Variants in AGL observed in about 807,000 individuals in gnomAD.
The protein encoded by AGL is amylo-alpha-1,6-glucosidase and 4-alpha-glucanotransferase.
AGL carries 128 observed loss-of-function variants against 199.3 expected under a neutral mutation model. That is an observed-to-expected ratio of 0.64 (90% confidence interval 0.56 to 0.74). The LOEUF (loss-of-function observed/expected upper bound fraction) is 0.74. AGL is among the 30% of genes least tolerant of loss of function. AGL has a pLI of 0.00. For missense variants in AGL, 1,809 were observed against 1,820.8 expected (o/e 0.99, Z 0.12); for synonymous variants, 584 against 594.7 (o/e 0.98, Z 0.26).
At position 99,870,530 on chromosome 1, in the gene AGL, A is replaced by G; in HGVS notation, c.795A>G (p.Lys265=). The change falls in exon 6 of 34, where the codon AAA becomes AAG. Residue 265 remains lysine, a synonymous_variant. Transcript: ENST00000361915. The part of the protein sequence containing the change: ...WRFSCDVAEG[K]YKEKGIPALI... ...TCTCCTGTGATGTTGCAGAAGGGAA[A>G]TACAAAGAAAAGGGAATACCTGCTT... 1 of 1,614,092 alleles carries G rather than the reference A, an allele frequency of 6.2e-7. No homozygotes were observed. Among genetic ancestry groups the G allele is most frequent in the Non-Finnish European group, 8.5e-7 (1 of 1,179,968 alleles).
chr1:99,883,325 C>A (rs1340149410), intron 17 of AGL, among the ~76,000 whole-genome samples: 4 of 152,086 alleles, frequency 2.6e-5, no homozygotes, highest in African/African-American at 7.2e-5. Context: ...ATTGACCCTG[C>A]AGTTCTATCC....
In AGL at chr1:99,881,142, A is replaced by C. The variant is rs762077890; in HGVS notation, c.1966A>C (p.Ser656Arg). The change falls in exon 15 of 34, where the codon AGT becomes CGT. Residue 656 changes from serine to arginine, a missense_variant. Physicochemically the swap from Ser to Arg is moderately radical, Grantham distance 110. Transcript: ENST00000361915. ...TTCTATGGCATGTTGTGCTAGTGGA[A>C]GTACAAGAGGCTATGATGAATTAGT... ...IVSMACCASG[S>R]TRGYDELVPH... 1.9e-6 allele frequency: 3 copies of C among 1,614,030 alleles called. No homozygotes were observed. Among genetic ancestry groups the C allele is most frequent in the Non-Finnish European group, 2.5e-6 (3 of 1,179,954 alleles).
chr1:99,867,676 C>T (rs1053061237), intron 5 of AGL, among the ~76,000 whole-genome samples: 2 of 152,008 alleles, frequency 1.3e-5, no homozygotes, highest in African/African-American at 2.4e-5. Context: ...GTGCCTCAGC[C>T]TCCCGAGTAG....
Position 99,873,933 on chromosome 1 carries a change from T to C in AGL, c.959-754T>C, listed in dbSNP as rs140910353. 3.1e-3 allele frequency among the ~76,000 whole-genome samples: 473 copies of C among 152,342 alleles called. 3 individuals are homozygous for C. Among genetic ancestry groups the C allele is most frequent in the African/African-American group, 0.011 (464 of 41,574 alleles). The stretch of plus-strand genomic sequence containing the variant: ...AGCCAGACACAAATTAATTAGTTAA[T>C]ATAAAATCAAGTTCAATGGAGGCAA... On this transcript the variant is annotated intron_variant, in intron 7 of 33. Transcript: ENST00000361915.
intron 5 of AGL, among the ~76,000 whole-genome samples, chr1:99,866,931 G>A (rs748327368): frequency 3.3e-5 from 5 of 151,810 alleles, no homozygotes; most frequent in African/African-American, 7.3e-5. Context: ...TGATTCTCCC[G>A]CCTCAGCCTC....
chr1:99,921,645 T>C lies in AGL; in HGVS notation c.4593T>C (p.Asp1531=). The C allele has an allele frequency of 6.3e-7, 1 of 1,597,246 alleles. No individual in the cohort carries two copies. Among genetic ancestry groups the C allele is most frequent in the South Asian group, 1.1e-5 (1 of 90,648 alleles). The part of the protein sequence containing the change: ...SIATILETLY[D]L ...CTACTATTCTTGAGACACTTTATGATTTATAGTTTATTACAGATATTAAGT... is the reference window on the plus strand; with the variant it reads ...CTACTATTCTTGAGACACTTTATGACTTATAGTTTATTACAGATATTAAGT... Residue 1531 remains aspartate (D), a synonymous_variant, in exon 34 of 34, where the codon GAT becomes GAC. Transcript: ENST00000361915.
In AGL at chr1:99,862,571, G is replaced by A. The variant is rs754086487; in HGVS notation, c.460+148G>A. ...ACTGGGTAATTTATAAAGAAAAGAGGTTTGACTCACAGTTCCGCAGGCTAT... is the reference window on the plus strand; with the variant it reads ...ACTGGGTAATTTATAAAGAAAAGAGATTTGACTCACAGTTCCGCAGGCTAT... On this transcript the variant is annotated intron_variant, in intron 4 of 33. Coordinates refer to ENST00000361915, the MANE Select transcript of AGL (RefSeq NM_000642.3). 126 of 936,934 alleles carry A rather than the reference G, an allele frequency of 1.3e-4. 1 individual carries two copies. Among genetic ancestry groups the A allele is most frequent in the Non-Finnish European group, 2.0e-4 (122 of 617,596 alleles). 58.0% of individuals were successfully genotyped at this position (936,934 alleles called of 1,614,324 possible).
intron 33 of AGL, among the ~76,000 whole-genome samples, chr1:99,920,626 A>G (rs1345216971): frequency 6.6e-6 from 1 of 152,208 alleles, no homozygotes; most frequent in Non-Finnish European, 1.5e-5. Context: ...CCTAGCTGAT[A>G]TTAGTTATTA....
intron 5 of AGL, among the ~76,000 whole-genome samples, chr1:99,866,276 A>T (rs1162916256): frequency 2.0e-5 from 3 of 152,216 alleles, no homozygotes; most frequent in Non-Finnish European, 4.4e-5. Flanking sequence ...AAACATAGGG[A>T]CTAAAGGCTA....
At chr1:99,868,655 A>T (rs1650735764) in intron 5 of AGL, among the ~76,000 whole-genome samples, 2 of 151,886 alleles carry the variant, frequency 1.3e-5, no homozygotes, top group African/African-American at 4.8e-5. Context: ...GTTGGCATAC[A>T]CTTGTCGTCC....
chr1:99,912,464 A>G lies in AGL; in HGVS notation c.3896A>G (p.Glu1299Gly). Residue 1299 changes from glutamate (E) to glycine (G), a missense_variant, in exon 29 of 34, where the codon GAA (glutamate) becomes GGA (glycine). Glu to Gly is a moderately conservative substitution (Grantham distance 98). Transcript: ENST00000361915. ...LSKSAVRWLL[E>G]LSKKNIFPYH... The stretch of plus-strand genomic sequence containing the variant: ...AAATCTGCTGTTCGCTGGTTGCTGG[A>G]ATTATCCAAAAAAAATATTTTCCCT... The G allele has an allele frequency of 6.2e-7, 1 of 1,614,052 alleles. No individual in the cohort carries two copies. Among genetic ancestry groups the G allele is most frequent in the Non-Finnish European group, 8.5e-7 (1 of 1,179,984 alleles).
chr1:99,861,815 T>A (rs1164167838), intron 3 of AGL, 102 bp downstream of exon 3: 6 of 1,305,352 alleles, frequency 4.6e-6, no homozygotes, highest in Non-Finnish European at 4.4e-6. Context: ...GCAGTGCAAT[T>A]TTTATAGTGC....
intron 28 of AGL, 147 bp downstream of exon 28, chr1:99,910,994 C>A: frequency 1.2e-6 from 1 of 801,586 alleles, no homozygotes; most frequent in Non-Finnish European, 2.0e-6. Context: ...CCCCATTATA[C>A]ATTTACACAA....
chr1:99,907,071 A>G (rs1654341110), intron 27 of AGL, among the ~76,000 whole-genome samples: 1 of 152,174 alleles, frequency 6.6e-6, no homozygotes, highest in South Asian at 2.1e-4. Flanking sequence ...GTGAGGTGAT[A>G]TCCCATTCTG....
chr1:99,891,782 A>G, intron 23 of AGL, 43 bp downstream of exon 23: 1 of 1,609,594 alleles, frequency 6.2e-7, no homozygotes, highest in Admixed American at 1.7e-5. Context: ...ATCTGTGTTG[A>G]AACTATATAC....
chr1:99,921,467 AG>A, intron 33 of AGL, 66 bp from the exon 34 acceptor site: 1 of 1,117,862 alleles, frequency 8.9e-7, no homozygotes, highest in Non-Finnish European at 1.4e-6. Flanking sequence ...AAAAATCACC[AG>A]GTCTTGCCTA....
Position 99,902,618 on chromosome 1 carries a change from G to A in AGL, c.3589-65G>A. ...TATTTTCACATTACTTCAGTTGTCG[G>A]ATTTGGGGGAAAATAAGAAAAATGT... On this transcript the variant is annotated intron_variant, in intron 26 of 33. Coordinates refer to ENST00000361915, the MANE Select transcript of AGL (RefSeq NM_000642.3). 5 of 1,281,594 alleles carry A rather than the reference G, an allele frequency of 3.9e-6. No homozygotes were observed. The South Asian group carries it at 4.8e-5, about 12-fold the overall frequency. 79.4% of individuals were successfully genotyped at this position (1,281,594 alleles called of 1,614,324 possible). A position where few individuals can be genotyped will look rare whatever the true frequency, so the allele number is the denominator to read the frequency against.
intron 2 of AGL, among the ~76,000 whole-genome samples, chr1:99,858,468 A>G (rs111993646): frequency 5.9e-5 from 9 of 152,228 alleles, no homozygotes; most frequent in African/African-American, 2.2e-4. Flanking sequence ...GAGCGACTCA[A>G]CTCCCATTGT....
rs75532837 is a variant in AGL, at chr1:99,912,749, T to C, written c.3949+232T>C. Among the ~76,000 whole-genome samples the C allele has an allele frequency of 2.1e-4, 32 of 152,360 alleles. No individual in the cohort carries two copies. In the East Asian group the frequency reaches 5.4e-3, roughly 26 times the overall value. On this transcript the variant is annotated intron_variant, in intron 29 of 33. Coordinates refer to ENST00000361915, the MANE Select transcript of AGL (RefSeq NM_000642.3). Reference sequence around the variant, plus strand: ...GCATAGCTGTTGCCTTTATTGTGCATGTCTTTTTCCTCACTGTGACTGAGC... The same window carrying C: ...GCATAGCTGTTGCCTTTATTGTGCACGTCTTTTTCCTCACTGTGACTGAGC...
Sources: allele counts gnomAD v4.1 joint callset (sites outside exome capture counted in the v4.1 genomes callset), GRCh38; gene constraint gnomAD v4.1.1; transcripts MANE v1.5; gene names NCBI Gene and HGNC (gene_info 2026-07-23, HGNC 2026-07-21).